The following SIPA1L2 variants were observed in gnomAD, a reference collection of about 807,000 sequenced individuals.
SIPA1L2 encodes the protein signal induced proliferation associated 1 like 2, also known as signal-induced proliferation-associated 1-like protein 2.
A neutral mutation model predicts 163.9 loss-of-function variants in SIPA1L2; 56 were observed. The observed-to-expected ratio is 0.34, with a 90% CI of 0.28 to 0.43. SIPA1L2 has a LOEUF of 0.43. Ranked by LOEUF, SIPA1L2 falls within the 20% of genes least tolerant of loss-of-function variation. The pLI, the probability that SIPA1L2 is intolerant of heterozygous loss-of-function variation, is 1.00. For missense variants in SIPA1L2, 1,974 were observed against 2,193.5 expected, an observed-to-expected ratio of 0.90 and a Z score of 2.00; for synonymous variants, 877 against 865.7, an observed-to-expected ratio of 1.01 and a Z score of -0.23.
chr1:232,480,082 A>AG (rs1437092503), intron 6 of SIPA1L2, among the ~76,000 whole-genome samples: 1 of 151,892 alleles, frequency 6.6e-6, no homozygotes, highest in Non-Finnish European at 1.5e-5. Flanking sequence ...AAGCTGGTCC[A>AG]GGTCTGGGTG....
intron 3 of SIPA1L2, among the ~76,000 whole-genome samples, chr1:232,510,403 C>T (rs1456862351): frequency 6.6e-6 from 1 of 152,064 alleles, no homozygotes; most frequent in East Asian, 1.9e-4. Flanking sequence ...TTTATAAATC[C>T]ACTGCAAAGC....
intron 6 of SIPA1L2, among the ~76,000 whole-genome samples, chr1:232,482,278 G>C (rs1665399612): frequency 6.6e-6 from 1 of 152,140 alleles, no homozygotes; most frequent in Non-Finnish European, 1.5e-5. Flanking sequence ...ACACAGATCA[G>C]AAATTCTTTA....
intron 1 of SIPA1L2, among the ~76,000 whole-genome samples, chr1:232,623,003 A>T (rs1287986139): frequency 6.6e-6 from 1 of 152,210 alleles, no homozygotes; most frequent in Non-Finnish European, 1.5e-5. Context: ...GTAAACCAGA[A>T]ATGTCCCTGC....
chr1:232,480,125 T>A (rs940033078), intron 6 of SIPA1L2, among the ~76,000 whole-genome samples: 3 of 150,254 alleles, frequency 2.0e-5, no homozygotes, highest in Non-Finnish European at 3.0e-5. Context: ...AACTGGCAGA[T>A]GGCCTGGCCG....
chr1:232,546,355 AT>A (rs1316651648), intron 2 of SIPA1L2, among the ~76,000 whole-genome samples: 1 of 152,082 alleles, frequency 6.6e-6, no homozygotes, highest in Non-Finnish European at 1.5e-5. Context: ...TTGACTTACC[AT>A]TTTTCATCTA....
At chr1:232,539,890 C>G (rs142489613) in intron 2 of SIPA1L2, among the ~76,000 whole-genome samples, 1 of 152,254 alleles carries the variant, frequency 6.6e-6, no homozygotes, top group African/African-American at 2.4e-5. Flanking sequence ...ACTACAAGGT[C>G]AAAACAAAAA....
chr1:232,597,848 C>A (rs1045734997), intron 1 of SIPA1L2, among the ~76,000 whole-genome samples: 2 of 152,082 alleles, frequency 1.3e-5, no homozygotes, highest in Admixed American at 6.6e-5. Flanking sequence ...GAACCCCACA[C>A]AGGAATTCCT....
chr1:232,514,665 C>A lies in SIPA1L2; in HGVS notation c.675G>T (p.Met225Ile), dbSNP rs753767519. Residue 225 changes from methionine to isoleucine, a missense_variant, in exon 3 of 23, where the codon ATG (methionine) becomes ATT (isoleucine). Physicochemically the swap from Met to Ile is conservative, Grantham distance 10. This residue lies in a region of SIPA1L2 where 607 missense variants were observed against 624.0 expected (regional missense o/e 0.97). Transcript: ENST00000674635. ...YRVENYDHKAMVPFGFPEFFR... is the reference protein window; with the variant it reads ...YRVENYDHKAIVPFGFPEFFR... ...AAAATTCAGGGAACCCAAAAGGGAC[C>A]ATTGCTTTGTGGTCATAATTTTCTA... 1.5e-5 allele frequency: 25 copies of A among 1,614,068 alleles called. No homozygotes were observed. The highest frequency in any genetic ancestry group is 2.1e-5 in the Non-Finnish European group (25 of 1,180,046).
At position 232,428,564 on chromosome 1, in the gene SIPA1L2, C is replaced by T. The variant is rs770435993; in HGVS notation, c.4257G>A (p.Gly1419=). 6.5e-7 allele frequency: 1 copy of T among 1,537,334 alleles called. No individual in the cohort carries two copies. The highest frequency in any genetic ancestry group is 1.3e-5 in the South Asian group (1 of 78,150). The change falls in exon 17 of 23, where the codon GGG becomes GGA. Residue 1419 remains glycine, a splice_region_variant and synonymous_variant. Transcript: ENST00000674635. ...ACATGACATCCATCTCACTATACAT[C>T]CTGTTGAAAACAATCAGAATGGAAA... ...PEEPEVTECP[G]MYSEMDVMST...
intron 2 of SIPA1L2, among the ~76,000 whole-genome samples, chr1:232,561,056 T>C (rs1201112264): frequency 6.6e-6 from 1 of 152,224 alleles, no homozygotes; most frequent in East Asian, 1.9e-4. Context: ...CTCACGTGCA[T>C]AAAAAGTCAT....
chr1:232,625,302 T>TA (rs1663013562), intron 1 of SIPA1L2, among the ~76,000 whole-genome samples: 1 of 152,176 alleles, frequency 6.6e-6, no homozygotes, highest in South Asian at 2.1e-4. Flanking sequence ...ATCACCGGCT[T>TA]AAGTAAAGAT....
rs1047191030 is a variant in SIPA1L2 at position 232,478,193 on chromosome 1, A to G, written c.2085+1434T>C. On this transcript the variant is annotated intron_variant, in intron 7 of 22. Transcript: ENST00000674635. ...ACATACATGTGATCTAGTGATTTTA[A>G]GTCTATGCTTAAAAATACACAGATG... is the stretch of plus-strand genomic sequence containing the variant. Among the ~76,000 whole-genome samples, 9 of 152,370 alleles carry G rather than the reference A, an allele frequency of 5.9e-5. No individual in the cohort carries two copies. In the Middle Eastern group the frequency reaches 0.02, roughly 346 times the overall value.
intron 15 of SIPA1L2, among the ~76,000 whole-genome samples, chr1:232,437,185 TTAATAA>T (rs1053522545): frequency 6.6e-6 from 1 of 152,292 alleles, no homozygotes; most frequent in African/African-American, 2.4e-5. Flanking sequence ...GAAATTTTAC[TTAATAA>T]TAATAATACA....
At chr1:232,528,102 A>ATATATATACATATATATATATATC (rs34779799) in intron 2 of SIPA1L2, among the ~76,000 whole-genome samples, 1 of 118,498 alleles carries the variant, frequency 8.4e-6, no homozygotes, top group African/African-American at 3.5e-5. Flanking sequence ...ATATATATAT[A>ATATATATACATATATATATATATC]ATCAACTTTC....
At chr1:232,402,600 T>G (rs545493804) in intron 21 of SIPA1L2, 127 bp from the exon 22 acceptor site, 44 of 712,486 alleles carry the variant, frequency 6.2e-5, no homozygotes, top group Middle Eastern at 6.6e-4. Flanking sequence ...TTATATTATG[T>G]CAGAATGGGA....
intron 3 of SIPA1L2, among the ~76,000 whole-genome samples, chr1:232,503,156 A>G (rs1358259294): frequency 1.3e-5 from 2 of 152,218 alleles, no homozygotes; most frequent in Non-Finnish European, 2.9e-5. Flanking sequence ...TTGGCAGAAC[A>G]GAAGGTATGA....
chr1:232,500,282 T>A (rs894256788), intron 3 of SIPA1L2, among the ~76,000 whole-genome samples: 3 of 152,260 alleles, frequency 2.0e-5, no homozygotes, highest in African/African-American at 7.2e-5. Context: ...CTGTAGCCCA[T>A]GAATCAGAGT....
chr1:232,401,707 T>A (rs2102736474), intron 22 of SIPA1L2, among the ~76,000 whole-genome samples: 1 of 152,296 alleles, frequency 6.6e-6, no homozygotes, highest in East Asian at 1.9e-4. Flanking sequence ...ACCCTCATCA[T>A]AATTTCCCTC....
At chr1:232,478,107 C>T (rs1437421390) in intron 7 of SIPA1L2, among the ~76,000 whole-genome samples, 2 of 152,202 alleles carry the variant, frequency 1.3e-5, no homozygotes, top group South Asian at 2.1e-4. Context: ...TGAATCTGCT[C>T]GGCATTATTG....
Sources: gnomAD v4.1 joint callset for allele counts (sites outside exome capture counted in the v4.1 genomes callset) on GRCh38, gnomAD v4.1.1 for gene constraint, gnomAD v4.1.1 regional missense constraint, MANE v1.5 for transcripts, NCBI Gene and HGNC (gene_info 2026-07-23, HGNC 2026-07-21) for gene names.